Variants in RPIA observed in about 807,000 individuals in gnomAD.
RPIA encodes ribose 5-phosphate isomerase A, also known as ribose-5-phosphate isomerase.
A neutral mutation model predicts 37.8 loss-of-function variants in RPIA; 29 were observed. The ratio of observed to expected loss-of-function variants is 0.77; its 90% CI spans 0.57 to 1.05. The LOEUF is 1.05. Among genes scored for constraint, RPIA ranks in the 50% least tolerant of loss-of-function variants. The pLI is 0.00. For synonymous variants in RPIA, 167 were observed against 157.0 expected (o/e 1.06, Z -0.48); for missense variants, 385 against 413.6 (o/e 0.93, Z 0.60).
chr2:88,721,571 ACCCCC>A (rs1156741297), intron 3 of RPIA, among the ~76,000 whole-genome samples: 14 of 22,990 alleles, frequency 6.1e-4, no homozygotes, highest in African/African-American at 2.4e-3. Flanking sequence ...ACACACACAC[ACCCCC>A]CCCCCCACAT....
Position 88,698,494 on chromosome 2 carries a change from T to C in RPIA, c.296T>C (p.Val99Ala). ...CCCGTTTTTTGGCAGAATAACCAAGTGCTGGGAATTGGAAGTGGTTCTACA... is the reference window on the plus strand; with the variant it reads ...CCCGTTTTTTGGCAGAATAACCAAGCGCTGGGAATTGGAAGTGGTTCTACA... ...AVENHVRNNQVLGIGSGSTIV... is the reference protein window; with the variant it reads ...AVENHVRNNQALGIGSGSTIV... Residue 99 changes from valine to alanine, a missense_variant, in exon 2 of 9, where the codon GTG becomes GCG. This residue lies in a region of RPIA where 232 missense variants were observed against 203.0 expected (regional missense o/e 1.14). Coordinates refer to ENST00000283646, the MANE Select transcript of RPIA (RefSeq NM_144563.3). 1 of 1,614,216 alleles carries C rather than the reference T, an allele frequency of 6.2e-7. No homozygotes were observed. Among genetic ancestry groups the C allele is most frequent in the Non-Finnish European group, 8.5e-7 (1 of 1,180,002 alleles).
At chr2:88,735,493 T>C (rs1280258703) in intron 5 of RPIA, among the ~76,000 whole-genome samples, 176 bp from the exon 6 acceptor site, 1 of 152,240 alleles carries the variant, frequency 6.6e-6, no homozygotes, top group Non-Finnish European at 1.5e-5. Flanking sequence ...GTAATGTTTC[T>C]AGAGTCCATT....
intron 3 of RPIA, among the ~76,000 whole-genome samples, chr2:88,725,662 C>T (rs1232389121): frequency 6.6e-6 from 1 of 152,160 alleles, no homozygotes; most frequent in East Asian, 1.9e-4. Flanking sequence ...ATTTGATTAC[C>T]TCTCTAAAGA....
intron 4 of RPIA, among the ~76,000 whole-genome samples, chr2:88,729,590 C>G (rs1025008186): frequency 6.6e-6 from 1 of 152,124 alleles, no homozygotes; most frequent in Admixed American, 6.5e-5. Context: ...AGTGGGCAAG[C>G]CCAGGGCTAT....
intron 3 of RPIA, among the ~76,000 whole-genome samples, chr2:88,727,207 G>C (rs1039412378): frequency 9.2e-5 from 14 of 152,222 alleles, no homozygotes; most frequent in African/African-American, 3.4e-4. Flanking sequence ...ACTAATCTCA[G>C]AAGTGTCATA....
At chr2:88,709,794 A>T (rs1026984987) in intron 3 of RPIA, among the ~76,000 whole-genome samples, 2 of 152,242 alleles carry the variant, frequency 1.3e-5, no homozygotes, top group African/African-American at 4.8e-5. Context: ...TATTAGTGTT[A>T]GAGCAGCCTT....
chr2:88,691,779 C>A lies in RPIA; in HGVS notation c.81C>A (p.Ser27=). The part of the protein sequence containing the change: ...PLPGRAGGAA[S]GGGGNSWDLP... ...CCGGGAGGGCCGGGGGCGCGGCCTC[C>A]GGCGGAGGAGGGAACAGCTGGGACC... The change falls in exon 1 of 9, where the codon TCC becomes TCA. Residue 27 remains serine (S), a synonymous_variant. Transcript: ENST00000283646. 6.3e-7 allele frequency: 1 copy of A among 1,592,380 alleles called. No individual in the cohort carries two copies.
chr2:88,695,929 A>AT (rs397947029), intron 1 of RPIA, among the ~76,000 whole-genome samples: 9,505 of 144,392 alleles, frequency 0.066, 509 homozygotes, highest in African/African-American at 0.15. Flanking sequence ...TTAGTATTTG[A>AT]TTTTTTTTTT....
intron 8 of RPIA, among the ~76,000 whole-genome samples, chr2:88,741,259 A>G (rs1272162211): frequency 3.3e-5 from 5 of 151,912 alleles, no homozygotes; most frequent in African/African-American, 1.2e-4. Context: ...TCATTCTTAC[A>G]CCTTTGCGTC....
chr2:88,724,317 T>C (rs1304095354), intron 3 of RPIA, among the ~76,000 whole-genome samples: 1 of 150,668 alleles, frequency 6.6e-6, no homozygotes, highest in Admixed American at 6.6e-5. Context: ...TTTTGTTTTG[T>C]TTTTTTTGAG....
chr2:88,737,206 G>T (rs747413503), intron 7 of RPIA, among the ~76,000 whole-genome samples: 1 of 152,084 alleles, frequency 6.6e-6, no homozygotes, highest in African/African-American at 2.4e-5. Flanking sequence ...AGTGGATTGC[G>T]CATAACTTTT....
chr2:88,740,060 A>G (rs540743256), intron 8 of RPIA, among the ~76,000 whole-genome samples: 1 of 152,342 alleles, frequency 6.6e-6, no homozygotes, highest in African/African-American at 2.4e-5. Context: ...GGTAGGAGGA[A>G]GAGAAGATTT....
rs1386066267 is a variant in RPIA, at chr2:88,734,132, G to A, written c.463-420G>A. 4.6e-5 allele frequency among the ~76,000 whole-genome samples: 7 copies of A among 151,634 alleles called. No individual in the cohort carries two copies. The South Asian group carries it at 1.3e-3, about 27-fold the overall frequency. On this transcript the variant is annotated intron_variant, in intron 4 of 8. Coordinates refer to ENST00000283646, the MANE Select transcript of RPIA (RefSeq NM_144563.3). ...TTCCCACCCCCAGTGGAATTTAGTAGCACAGATATTACTGTATTGGCCCTT... is the reference window on the plus strand; with the variant it reads ...TTCCCACCCCCAGTGGAATTTAGTAACACAGATATTACTGTATTGGCCCTT...
chr2:88,721,486 T>G (rs1166851165), intron 3 of RPIA, among the ~76,000 whole-genome samples: 1 of 147,234 alleles, frequency 6.8e-6, no homozygotes, highest in Non-Finnish European at 1.5e-5. Context: ...ATTGTTTTAT[T>G]ATTATAATTA....
intron 8 of RPIA, among the ~76,000 whole-genome samples, chr2:88,742,310 CT>C (rs1399874590): frequency 6.6e-6 from 1 of 152,132 alleles, no homozygotes; most frequent in Non-Finnish European, 1.5e-5. Context: ...ATAGGGTGTC[CT>C]TTCCCCCTTG....
Position 88,749,974 on chromosome 2 carries a change from C to A in RPIA, c.839-7C>A. ...AACAATGTTTCTTTCTGTCCTTTGT[C>A]CTGCAGGTGTGGTGGACACAGGCCT... On this transcript the variant is annotated splice_region_variant and splice_polypyrimidine_tract_variant and intron_variant, in intron 8 of 8. Transcript: ENST00000283646. 2 of 1,604,976 alleles carry A rather than the reference C, an allele frequency of 1.2e-6. No individual in the cohort carries two copies. The highest frequency in any genetic ancestry group is 1.1e-5 in the South Asian group (1 of 90,860).
intron 1 of RPIA, among the ~76,000 whole-genome samples, chr2:88,696,058 G>A (rs181350466): frequency 1.3e-5 from 2 of 152,106 alleles, no homozygotes; most frequent in Admixed American, 1.3e-4. Flanking sequence ...GTATTCCTAT[G>A]GCCTTTGTCC....
intron 8 of RPIA, among the ~76,000 whole-genome samples, chr2:88,741,550 C>A (rs1238332602): frequency 6.6e-6 from 1 of 152,120 alleles, no homozygotes; most frequent in East Asian, 1.9e-4. Flanking sequence ...TACAAATGTC[C>A]TTTTCATATA....
chr2:88,729,457 C>T (rs982474475), intron 4 of RPIA, 120 bp downstream of exon 4: 10 of 1,009,628 alleles, frequency 9.9e-6, no homozygotes, highest in Admixed American at 5.9e-5. Flanking sequence ...TTAGTTGTAC[C>T]AAGTTTTCTC....
Sources: gnomAD v4.1 joint callset for allele counts (sites outside exome capture counted in the v4.1 genomes callset) on GRCh38, gnomAD v4.1.1 for gene constraint, gnomAD v4.1.1 regional missense constraint, MANE v1.5 for transcripts, NCBI Gene and HGNC (gene_info 2026-07-23, HGNC 2026-07-21) for gene names.